CPS1: variants seen among roughly 807,000 people sequenced by gnomAD.
The protein encoded by CPS1 is carbamoyl-phosphate synthase 1, also known as carbamoyl-phosphate synthase [ammonia], mitochondrial.
CPS1 carries 109 observed loss-of-function variants against 174.6 expected under a neutral mutation model. That is an observed-to-expected ratio of 0.62 (90% CI 0.53 to 0.73). The LOEUF (loss-of-function observed/expected upper bound fraction) is 0.73. Among genes scored for constraint, CPS1 ranks in the 30% least tolerant of loss-of-function variants. The pLI, the probability that CPS1 is intolerant of heterozygous loss-of-function variation, is 0.00. For synonymous variants in CPS1, 637 were observed against 632.0 expected, an observed-to-expected ratio of 1.01 and a Z score of -0.12; for missense variants, 1,689 against 1,821.9, an observed-to-expected ratio of 0.93 and a Z score of 1.33.
chr2:210,575,952 A>G (rs1697693282), intron 2 of CPS1, among the ~76,000 whole-genome samples: 1 of 152,134 alleles, frequency 6.6e-6, no homozygotes, highest in African/African-American at 2.4e-5. Context: ...GCAGCCCTCA[A>G]CAGTAAATAT....
chr2:210,594,158 C>T (rs1231684444), intron 11 of CPS1, among the ~76,000 whole-genome samples: 1 of 151,722 alleles, frequency 6.6e-6, no homozygotes, highest in Admixed American at 6.6e-5. Flanking sequence ...TTTTCTATAT[C>T]ATAAGTGATA....
rs1698312390 is a variant in CPS1 at position 210,591,857 on chromosome 2, T to C, written c.974T>C (p.Ile325Thr). ...NRGQNQPVLN[I>T]TNKQAFITAQ... ...GGGCAGAATCAGCCTGTTTTGAATATCACAAACAAACAGGCTTTCATTACT... is the reference window on the plus strand; with the variant it reads ...GGGCAGAATCAGCCTGTTTTGAATACCACAAACAAACAGGCTTTCATTACT... Residue 325 changes from isoleucine (I) to threonine (T), a missense_variant, in exon 10 of 38, where the codon ATC becomes ACC. Transcript: ENST00000233072. The C allele has an allele frequency of 1.2e-6, 2 of 1,612,384 alleles. No homozygotes were observed. Among genetic ancestry groups the C allele is most frequent in the African/African-American group, 2.7e-5 (2 of 74,792 alleles).
intron 1 of CPS1, among the ~76,000 whole-genome samples, chr2:210,564,695 G>C (rs944032661): frequency 7.0e-6 from 1 of 143,858 alleles, no homozygotes; most frequent in African/African-American, 2.5e-5. Context: ...CATTTTAAAA[G>C]TAATATAGGA....
intron 19 of CPS1, among the ~76,000 whole-genome samples, chr2:210,610,676 G>A (rs1699081676): frequency 6.6e-6 from 1 of 151,810 alleles, no homozygotes; most frequent in Non-Finnish European, 1.5e-5. Flanking sequence ...GACGACTTGA[G>A]CCCAGGGGGT....
intron 1 of CPS1, among the ~76,000 whole-genome samples, chr2:210,504,203 A>G (rs1415242063): frequency 6.6e-6 from 1 of 152,062 alleles, no homozygotes; most frequent in Non-Finnish European, 1.5e-5. Context: ...GTGTGTGTCC[A>G]CCCGTGAAGA....
At chr2:210,611,970 C>CTTT in intron 19 of CPS1, 147 bp from the exon 20 acceptor site, 1 of 595,004 alleles carries the variant, frequency 1.7e-6, no homozygotes, top group Middle Eastern at 5.0e-4. Flanking sequence ...AAAAGGAACA[C>CTTT]CTTTTTTTTT....
intron 1 of CPS1, among the ~76,000 whole-genome samples, chr2:210,507,525 C>A (rs974192133): frequency 7.9e-5 from 12 of 151,930 alleles, no homozygotes; most frequent in African/African-American, 2.9e-4. Context: ...TCACACATAA[C>A]AATATTAACC....
chr2:210,672,706 T>C (rs1701351444), intron 34 of CPS1: 1 of 152,168 alleles, frequency 6.6e-6, no homozygotes. Context: ...TTTCTTTCTG[T>C]TTGGTCCTAA....
intron 7 of CPS1, among the ~76,000 whole-genome samples, chr2:210,589,549 A>G (rs927919960): frequency 1.3e-5 from 2 of 151,792 alleles, no homozygotes. Flanking sequence ...AAGGTAACCT[A>G]CTCTCCTGTC....
chr2:210,632,113 G>A (rs1699888643), intron 21 of CPS1, among the ~76,000 whole-genome samples: 1 of 151,956 alleles, frequency 6.6e-6, no homozygotes, highest in Non-Finnish European at 1.5e-5. Flanking sequence ...TTCAAATTAA[G>A]GTTTTTATTT....
chr2:210,555,272 G>A (rs1339279574), upstream of CPS1, among the ~76,000 whole-genome samples: 3 of 151,932 alleles, frequency 2.0e-5, no homozygotes, highest in African/African-American at 7.2e-5. Flanking sequence ...GCATCCTTCA[G>A]TATAACACAG....
At chr2:210,572,182 C>T (rs1466641863) in intron 1 of CPS1, among the ~76,000 whole-genome samples, 1 of 151,724 alleles carries the variant, frequency 6.6e-6, no homozygotes, top group Admixed American at 6.6e-5. Flanking sequence ...ACTATTTTAT[C>T]CTTGAATATT....
At chr2:210,526,860 G>T (rs1462613206) in intron 1 of CPS1, among the ~76,000 whole-genome samples, 1 of 151,894 alleles carries the variant, frequency 6.6e-6, no homozygotes, top group South Asian at 2.1e-4. Context: ...AGATACCAAT[G>T]ATACAAATTG....
intron 16 of CPS1, among the ~76,000 whole-genome samples, chr2:210,604,752 T>G (rs1445162971): frequency 2.6e-5 from 4 of 151,948 alleles, no homozygotes; most frequent in Non-Finnish European, 5.9e-5. Context: ...TTATTCACAC[T>G]TATCACATTT....
chr2:210,663,228 A>G lies in CPS1; in HGVS notation c.4002+31A>G, dbSNP rs201858780. 3.5e-5 allele frequency: 56 copies of G among 1,579,078 alleles called. No individual in the cohort carries two copies. The East Asian group carries it at 9.8e-4, about 28-fold the overall frequency. On this transcript the variant is annotated intron_variant, in intron 33 of 37. Transcript: ENST00000233072. The stretch of plus-strand genomic sequence containing the variant: ...TAGTTAATAATCCATGGAAGCTTTC[A>G]TTAAATCTACTTTGAAATCTATGGT...
At chr2:210,550,153 A>G (rs1203184663) in intron 1 of CPS1, among the ~76,000 whole-genome samples, 1 of 152,026 alleles carries the variant, frequency 6.6e-6, no homozygotes, top group Admixed American at 6.6e-5. Context: ...AATATAAAAC[A>G]TAATAAACCA....
chr2:210,503,312 G>A (rs1335037486), intron 1 of CPS1, among the ~76,000 whole-genome samples: 3 of 152,158 alleles, frequency 2.0e-5, no homozygotes, highest in East Asian at 1.9e-4. Flanking sequence ...TGACATTTTA[G>A]CTCCTTTCCC....
chr2:210,546,534 G>C (rs1464588491), intron 1 of CPS1, among the ~76,000 whole-genome samples: 3 of 152,022 alleles, frequency 2.0e-5, no homozygotes, highest in Non-Finnish European at 2.9e-5. Flanking sequence ...AAAAGAGTAT[G>C]ATTTCATATG....
intron 17 of CPS1, 151 bp downstream of exon 17, chr2:210,605,397 A>G (rs1698872349): frequency 1.2e-6 from 1 of 839,200 alleles, no homozygotes; most frequent in African/African-American, 1.7e-5. Context: ...ATTTTACAGT[A>G]TTGAAAATGT....
Sources: allele counts gnomAD v4.1 joint callset (sites outside exome capture counted in the v4.1 genomes callset), GRCh38; gene constraint gnomAD v4.1.1; transcripts MANE v1.5; gene names NCBI Gene and HGNC (gene_info 2026-07-23, HGNC 2026-07-21).